Variants in GHR observed in about 807,000 individuals in gnomAD.
GHR encodes growth hormone receptor.
In GHR, 35 loss-of-function variants were observed where a neutral mutation model predicts 67.1. The ratio of observed to expected loss-of-function variants is 0.52; its 90% CI spans 0.40 to 0.69. The LOEUF (loss-of-function observed/expected upper bound fraction) is 0.69. Ranked by LOEUF, GHR falls within the 30% of genes least tolerant of loss-of-function variation. GHR has a pLI of 0.00. For synonymous variants in GHR, 272 were observed against 269.1 expected (o/e 1.01, Z -0.10); for missense variants, 792 against 764.6 (o/e 1.04, Z -0.42).
chr5:42,464,322 T>C (rs2112065234), intron 1 of GHR, among the ~76,000 whole-genome samples: 1 of 152,344 alleles, frequency 6.6e-6, no homozygotes. Context: ...GTGTTCTAAA[T>C]GAAAGTGTCC....
intron 6 of GHR, among the ~76,000 whole-genome samples, chr5:42,709,547 G>T (rs1299472378): frequency 1.3e-5 from 2 of 152,064 alleles, no homozygotes; most frequent in Non-Finnish European, 2.9e-5. Flanking sequence ...GAATAGCATG[G>T]AATTATTCAT....
chr5:42,582,378 C>T (rs1409981272), intron 2 of GHR, among the ~76,000 whole-genome samples: 1 of 152,210 alleles, frequency 6.6e-6, no homozygotes, highest in Non-Finnish European at 1.5e-5. Flanking sequence ...AATAAGCACA[C>T]CCTTCCTCCC....
At chr5:42,615,155 T>G (rs1289003283) in intron 2 of GHR, among the ~76,000 whole-genome samples, 1 of 151,966 alleles carries the variant, frequency 6.6e-6, no homozygotes, top group African/African-American at 2.4e-5. Context: ...CGACGAAATT[T>G]AAACATGGAC....
intron 1 of GHR, among the ~76,000 whole-genome samples, chr5:42,505,122 G>GTTT (rs35690685): frequency 3.0e-5 from 4 of 134,886 alleles, no homozygotes; most frequent in Admixed American, 7.4e-5. Flanking sequence ...GCTGTTGACT[G>GTTT]TTTTTTTTTT....
At chr5:42,709,149 C>A (rs1294024957) in intron 6 of GHR, among the ~76,000 whole-genome samples, 1 of 146,652 alleles carries the variant, frequency 6.8e-6, no homozygotes, top group South Asian at 2.2e-4. Context: ...TTTTTTTTCT[C>A]CCCCCCACAG....
intron 2 of GHR, among the ~76,000 whole-genome samples, chr5:42,593,825 G>A (rs754152319): frequency 2.0e-4 from 30 of 152,180 alleles, no homozygotes; most frequent in Admixed American, 1.3e-4. Flanking sequence ...GACATTTCCT[G>A]GTTGGGAAAT....
At chr5:42,466,276 A>G (rs1213714077) in intron 1 of GHR, among the ~76,000 whole-genome samples, 1 of 138,982 alleles carries the variant, frequency 7.2e-6, no homozygotes, top group Non-Finnish European at 1.6e-5. Context: ...CTACAATATC[A>G]AGGTTCAGGG....
rs183756842 is a variant in GHR at position 42,559,936 on chromosome 5, T to C, written c.-11-5928T>C. ...TTGGGTTAGCTTCTTCCTTTTTCTG[T>C]GCTGTATTATTAGAAAAGCTTCACC... On this transcript the variant is annotated intron_variant, in intron 1 of 9. Coordinates refer to ENST00000230882, the MANE Select transcript of GHR (RefSeq NM_000163.5). Among the ~76,000 whole-genome samples the C allele has an allele frequency of 1.4e-3, 214 of 152,288 alleles. 1 individual carries two copies. Among genetic ancestry groups the C allele is most frequent in the African/African-American group, 5.1e-3 (210 of 41,546 alleles).
intron 1 of GHR, among the ~76,000 whole-genome samples, chr5:42,554,659 A>G (rs1483705761): frequency 6.6e-6 from 1 of 152,120 alleles, no homozygotes; most frequent in East Asian, 1.9e-4. Context: ...CACTAGCCAC[A>G]TGTAGCTATT....
intron 1 of GHR, among the ~76,000 whole-genome samples, chr5:42,528,172 A>G (rs967175950): frequency 6.6e-6 from 1 of 152,160 alleles, no homozygotes; most frequent in African/African-American, 2.4e-5. Flanking sequence ...CTTATTATTT[A>G]AGAAATACAT....
intron 3 of GHR, among the ~76,000 whole-genome samples, chr5:42,643,871 T>C (rs557532057): frequency 2.0e-5 from 3 of 152,246 alleles, no homozygotes; most frequent in Admixed American, 6.5e-5. Flanking sequence ...AAAAAAAACT[T>C]TTAGAGGTTA....
At chr5:42,470,915 T>C (rs17575164) in intron 1 of GHR, among the ~76,000 whole-genome samples, 26,722 of 152,046 alleles carry the variant, frequency 0.18, 2,624 homozygotes, top group Non-Finnish European at 0.21. Flanking sequence ...CCTTGAGGAG[T>C]TTATTCCTTT....
chr5:42,520,629 A>G (rs193100758), intron 1 of GHR, among the ~76,000 whole-genome samples: 9 of 152,262 alleles, frequency 5.9e-5, no homozygotes, highest in Non-Finnish European at 8.8e-5. Flanking sequence ...ATGCTTTTAC[A>G]AGAATGGGTA....
intron 1 of GHR, among the ~76,000 whole-genome samples, chr5:42,477,885 T>C (rs1314780314): frequency 1.3e-5 from 2 of 152,242 alleles, no homozygotes; most frequent in Non-Finnish European, 2.9e-5. Flanking sequence ...CTCTTGAGTT[T>C]AATTAGATCC....
chr5:42,436,892 T>C (rs1163596596), intron 1 of GHR, among the ~76,000 whole-genome samples: 1 of 152,202 alleles, frequency 6.6e-6, no homozygotes, highest in Non-Finnish European at 1.5e-5. Flanking sequence ...GAGCTTTGGC[T>C]CTGGGAAGAT....
chr5:42,476,903 T>C (rs1745352464), intron 1 of GHR, among the ~76,000 whole-genome samples: 1 of 152,156 alleles, frequency 6.6e-6, no homozygotes, highest in Non-Finnish European at 1.5e-5. Context: ...TTATAATACT[T>C]TAAGTTTTAG....
At chr5:42,557,115 G>A (rs1749351831) in intron 1 of GHR, among the ~76,000 whole-genome samples, 1 of 152,256 alleles carries the variant, frequency 6.6e-6, no homozygotes, top group Middle Eastern at 3.4e-3. Context: ...TAAAGTAGAC[G>A]AGGGAGGAAT....
chr5:42,548,612 A>G, intron 1 of GHR: 1 of 451,020 alleles, frequency 2.2e-6, no homozygotes, highest in Non-Finnish European at 2.9e-6. Flanking sequence ...TGCATTTTTT[A>G]GATATAAATC....
intron 1 of GHR, among the ~76,000 whole-genome samples, chr5:42,559,855 A>C (rs1749506759): frequency 6.6e-6 from 1 of 152,210 alleles, no homozygotes. Context: ...CTCTGAAAGC[A>C]AGCTGTTTCA....
Sources: allele counts gnomAD v4.1 joint callset (sites outside exome capture counted in the v4.1 genomes callset), GRCh38; gene constraint gnomAD v4.1.1; transcripts MANE v1.5; gene names NCBI Gene and HGNC (gene_info 2026-07-23, HGNC 2026-07-21).